Variants in SAMD7 observed in about 807,000 individuals in gnomAD.
SAMD7 encodes sterile alpha motif domain containing 7.
In SAMD7, 34 loss-of-function variants were observed where a neutral mutation model predicts 36.7. That is an observed-to-expected ratio of 0.93 (90% confidence interval 0.71 to 1.23). The LOEUF is 1.23. Ranked by LOEUF, SAMD7 falls within the 50% of genes most tolerant of loss-of-function variation. The pLI is 0.00. For synonymous variants in SAMD7, 188 were observed against 189.7 expected (o/e 0.99, Z 0.07); for missense variants, 570 against 546.6 (o/e 1.04, Z -0.43).
At chr3:169,931,303 A>G (rs769510342) in intron 7 of SAMD7, among the ~76,000 whole-genome samples, 2 of 152,240 alleles carry the variant, frequency 1.3e-5, no homozygotes, top group Non-Finnish European at 2.9e-5. Context: ...AGAAGGGGGT[A>G]CATCTGAGCG....
intron 3 of SAMD7, among the ~76,000 whole-genome samples, chr3:169,919,946 G>T (rs943750292): frequency 4.6e-5 from 7 of 152,192 alleles, no homozygotes; most frequent in African/African-American, 1.7e-4. Flanking sequence ...AGGCCAAGGT[G>T]GGCAGATCAC....
At chr3:169,912,630 C>T (rs1177629389) in intron 1 of SAMD7, among the ~76,000 whole-genome samples, 2 of 152,146 alleles carry the variant, frequency 1.3e-5, no homozygotes, top group East Asian at 1.9e-4. Flanking sequence ...TAGAACCTGA[C>T]ATTTCAAGAA....
chr3:169,926,527 T>C lies in SAMD7; in HGVS notation c.291-26T>C. On this transcript the variant is annotated intron_variant, in intron 5 of 8. Coordinates refer to ENST00000335556, the MANE Select transcript of SAMD7 (RefSeq NM_001304366.2). ...CATTTATAGTGGTTTTCTTGGGCTGTATAAAATATATTGTTTTGTTTTTAG... is the reference window on the plus strand; with the variant it reads ...CATTTATAGTGGTTTTCTTGGGCTGCATAAAATATATTGTTTTGTTTTTAG... 5.7e-6 allele frequency: 9 copies of C among 1,583,150 alleles called. No homozygotes were observed. The South Asian group carries it at 9.1e-5, about 16-fold the overall frequency.
chr3:169,926,224 C>T (rs1713250141), intron 5 of SAMD7: 1 of 1,301,108 alleles, frequency 7.7e-7, no homozygotes, highest in Admixed American at 2.3e-5. Context: ...GTTTGAAAAC[C>T]TCTTCCCAGT....
chr3:169,930,578 C>CTTTT (rs772549629), intron 7 of SAMD7, among the ~76,000 whole-genome samples: 35 of 101,700 alleles, frequency 3.4e-4, no homozygotes, highest in Non-Finnish European at 4.6e-4. Flanking sequence ...CCTTTCTTTT[C>CTTTT]TTTTTTTTTT....
intron 1 of SAMD7, 138 bp downstream of exon 1, chr3:169,911,959 T>C (rs1315794781): frequency 1.3e-5 from 2 of 152,214 alleles, no homozygotes; most frequent in African/African-American, 4.8e-5. Context: ...TTACTGGCTA[T>C]TACTAACAGT....
chr3:169,936,717 C>A (rs1713732545), intron 8 of SAMD7, among the ~76,000 whole-genome samples: 1 of 152,034 alleles, frequency 6.6e-6, no homozygotes, highest in African/African-American at 2.4e-5. Flanking sequence ...AAATGAGCCC[C>A]AATTTGTAAT....
chr3:169,935,379 G>A (rs918646019), intron 7 of SAMD7, among the ~76,000 whole-genome samples: 2 of 152,158 alleles, frequency 1.3e-5, no homozygotes, highest in African/African-American at 2.4e-5. Context: ...TGGAGAGATC[G>A]TCTTTAAATG....
chr3:169,938,430 G>C lies in SAMD7; in HGVS notation c.1265G>C (p.Ser422Thr). The C allele has an allele frequency of 6.2e-7, 1 of 1,612,830 alleles. No homozygotes were observed. The highest frequency in any genetic ancestry group is 8.5e-7 in the Non-Finnish European group (1 of 1,178,782). The part of the protein sequence containing the change: ...TSPLLDPNSW[S>T]DTMNIFCPQD... Reference sequence around the variant, plus strand: ...CCTCTTCTGGATCCTAATTCCTGGAGTGATACAATGAACATTTTTTGTCCC... The same window carrying C: ...CCTCTTCTGGATCCTAATTCCTGGACTGATACAATGAACATTTTTTGTCCC... Residue 422 changes from serine to threonine, a missense_variant, in exon 9 of 9, where the codon AGT becomes ACT. By Grantham distance (58) the Ser-to-Thr change is moderately conservative (BLOSUM62 1). Transcript: ENST00000335556.
chr3:169,938,271 G>GA (rs1343253795), intron 8 of SAMD7, 47 bp from the exon 9 acceptor site: 2 of 1,351,266 alleles, frequency 1.5e-6, no homozygotes, highest in African/African-American at 1.5e-5. Context: ...CTGAGTTAAT[G>GA]AAAAAAATTC....
intron 4 of SAMD7, 79 bp downstream of exon 4, chr3:169,921,417 A>C (rs1013984066): frequency 1.4e-6 from 2 of 1,463,442 alleles, no homozygotes; most frequent in African/African-American, 1.4e-5. Flanking sequence ...CCATCAAATT[A>C]CTCCTAAATT....
At chr3:169,928,655 C>T in intron 7 of SAMD7, 77 bp downstream of exon 7, 1 of 1,426,840 alleles carries the variant, frequency 7.0e-7, no homozygotes, top group Non-Finnish European at 9.8e-7. Context: ...TTAGGTCAAA[C>T]TTGCATTGTG....
In SAMD7 at chr3:169,926,770, G is replaced by A; in HGVS notation, c.508G>A (p.Ala170Thr). Residue 170 changes from alanine (A) to threonine (T), a missense_variant, in exon 6 of 9, where the codon GCA (alanine) becomes ACA (threonine). By Grantham distance (58) the Ala-to-Thr change is moderately conservative. Transcript: ENST00000335556. The part of the protein sequence containing the change: ...LQGNPMLAAT[A>T]PHFEESWGQR... ...GGGAAACCCCATGCTAGCGGCAACT[G>A]CACCACACTTTGAGGAGAGCTGGGG... The A allele has an allele frequency of 1.2e-6, 2 of 1,613,910 alleles. No homozygotes were observed. The highest frequency in any genetic ancestry group is 2.2e-5 in the East Asian group (1 of 44,868).
chr3:169,932,550 A>G (rs1364409455), intron 7 of SAMD7: 1 of 537,672 alleles, frequency 1.9e-6, no homozygotes, highest in Admixed American at 2.1e-5. Context: ...GTTACCATGG[A>G]GCAGCTGTTG....
At chr3:169,924,967 A>C (rs537516008) in intron 4 of SAMD7, 91 bp from the exon 5 acceptor site, 2 of 773,074 alleles carry the variant, frequency 2.6e-6, no homozygotes, top group African/African-American at 3.6e-5. Flanking sequence ...TTTTTCAGAT[A>C]CTGTTTTACA....
At chr3:169,933,301 A>G in intron 7 of SAMD7, 1 of 399,426 alleles carries the variant, frequency 2.5e-6, no homozygotes, top group Non-Finnish European at 4.6e-6. Context: ...TCAATTCCAA[A>G]TGGTATGAAA....
rs1713798296 is a variant in SAMD7 at position 169,938,386 on chromosome 3, T to G, written c.1221T>G (p.Asp407Glu). Residue 407 changes from aspartate to glutamate, a missense_variant, in exon 9 of 9, where the codon GAT becomes GAG. Physicochemically the swap from Asp to Glu is conservative, Grantham distance 45 (BLOSUM62 2). Transcript: ENST00000335556. ...CATTTCCTATAAGACAAGCATTTGATCAACCAGCAGATACATCCCCTCTTC... is the reference window on the plus strand; with the variant it reads ...CATTTCCTATAAGACAAGCATTTGAGCAACCAGCAGATACATCCCCTCTTC... The part of the protein sequence containing the change: ...TLSFPIRQAF[D>E]QPADTSPLLD... The G allele has an allele frequency of 6.2e-7, 1 of 1,612,680 alleles. No individual in the cohort carries two copies. The highest frequency in any genetic ancestry group is 1.7e-5 in the Admixed American group (1 of 60,008).
intron 7 of SAMD7, among the ~76,000 whole-genome samples, chr3:169,935,639 A>G (rs1162837180): frequency 6.6e-6 from 1 of 152,226 alleles, no homozygotes; most frequent in Non-Finnish European, 1.5e-5. Context: ...AGAAAGCTCA[A>G]CTGTGAATAT....
At chr3:169,916,928 C>T (rs1050120634) in intron 2 of SAMD7, among the ~76,000 whole-genome samples, 33 of 152,294 alleles carry the variant, frequency 2.2e-4, no homozygotes, top group Non-Finnish European at 4.3e-4. Flanking sequence ...AGCCCATCTC[C>T]GACCCAGCCT....
Sources: gnomAD v4.1 joint callset for allele counts (sites outside exome capture counted in the v4.1 genomes callset) on GRCh38, gnomAD v4.1.1 for gene constraint, MANE v1.5 for transcripts, NCBI Gene and HGNC (gene_info 2026-07-23, HGNC 2026-07-21) for gene names.